The following ZBTB7C variants were observed in gnomAD, a reference collection of about 807,000 sequenced individuals.
ZBTB7C encodes zinc finger and BTB domain-containing protein 7C.
ZBTB7C carries 8 observed loss-of-function variants against 25.7 expected under a neutral mutation model. The ratio of observed to expected loss-of-function variants is 0.31; its 90% confidence interval spans 0.18 to 0.56. The LOEUF is 0.56. Ranked by LOEUF, ZBTB7C falls within the 20% of genes least tolerant of loss-of-function variation. The pLI, the probability that ZBTB7C is intolerant of heterozygous loss-of-function variation, is 0.91. For synonymous variants in ZBTB7C, 394 were observed against 369.0 expected (o/e 1.07, Z -0.78); for missense variants, 824 against 855.2 (o/e 0.96, Z 0.46).
At chr18:48,111,023 G>C (rs1388976793) in intron 3 of ZBTB7C, among the ~76,000 whole-genome samples, 1 of 152,188 alleles carries the variant, frequency 6.6e-6, no homozygotes, top group East Asian at 1.9e-4. Flanking sequence ...CCAGGCCAAG[G>C]ACCGCCTGGA....
chr18:48,089,479 GAAA>G (rs35998953), intron 3 of ZBTB7C, among the ~76,000 whole-genome samples: 9 of 127,908 alleles, frequency 7.0e-5, no homozygotes, highest in Non-Finnish European at 9.8e-5. Flanking sequence ...ACTCCATCTC[GAAA>G]AAAAAAAAAA....
At chr18:48,083,925 G>A (rs953524099) in intron 3 of ZBTB7C, 2 of 982,992 alleles carry the variant, frequency 2.0e-6, no homozygotes, top group African/African-American at 1.7e-5. Context: ...AATCCTGTTG[G>A]TTGAAGCAGG....
chr18:48,099,600 G>A (rs1163087585), intron 3 of ZBTB7C, among the ~76,000 whole-genome samples: 1 of 152,220 alleles, frequency 6.6e-6, no homozygotes, highest in Non-Finnish European at 1.5e-5. Flanking sequence ...CAGGGAGAGG[G>A]ACTGTGCAAG....
chr18:48,148,335 T>A (rs2040562596), intron 3 of ZBTB7C: 1 of 152,194 alleles, frequency 6.6e-6, no homozygotes, highest in Non-Finnish European at 1.5e-5. Context: ...TGTTCTCATC[T>A]TCATGGAATA....
intron 3 of ZBTB7C, among the ~76,000 whole-genome samples, chr18:48,047,980 C>T (rs952443138): frequency 1.3e-5 from 2 of 152,218 alleles, no homozygotes; most frequent in African/African-American, 4.8e-5. Flanking sequence ...GCGTTTGATG[C>T]CAAAGCTCAT....
intron 2 of ZBTB7C, among the ~76,000 whole-genome samples, chr18:48,295,169 C>T (rs868306): frequency 0.3 from 45,956 of 152,038 alleles, 7,202 homozygotes; most frequent in East Asian, 0.61. Context: ...CTGCAAGTAA[C>T]GTCTTGTTAA....
intron 1 of ZBTB7C, among the ~76,000 whole-genome samples, chr18:48,360,490 G>A (rs1392390927): frequency 6.6e-6 from 1 of 152,254 alleles, no homozygotes; most frequent in Non-Finnish European, 1.5e-5. Flanking sequence ...AGAGGAGCGT[G>A]GGAAGAGATG....
chr18:48,039,821 C>A, intron 4 of ZBTB7C, 79 bp downstream of exon 4: 2 of 1,483,124 alleles, frequency 1.3e-6, no homozygotes, highest in Non-Finnish European at 1.9e-6. Context: ...CTGTCTCCAC[C>A]GCCAGCCTCC....
intron 3 of ZBTB7C, chr18:48,083,934 G>T: frequency 1.0e-6 from 1 of 980,528 alleles, no homozygotes; most frequent in Non-Finnish European, 1.2e-6. Context: ...GGTTGAAGCA[G>T]GCCTTTAAAC....
At chr18:48,293,385 TATC>T (rs962978440) in intron 2 of ZBTB7C, among the ~76,000 whole-genome samples, 16 of 152,152 alleles carry the variant, frequency 1.1e-4, no homozygotes, top group Non-Finnish European at 2.2e-4. Flanking sequence ...CATCCCCAAA[TATC>T]ATCACATTAG....
intron 3 of ZBTB7C, among the ~76,000 whole-genome samples, chr18:48,048,461 G>A (rs540624403): frequency 1.1e-4 from 16 of 152,178 alleles, no homozygotes; most frequent in African/African-American, 2.9e-4. Context: ...TGAGGTCCCC[G>A]CTCTCAGATA....
At chr18:48,063,123 C>T (rs1418363053) in intron 3 of ZBTB7C, among the ~76,000 whole-genome samples, 1 of 152,222 alleles carries the variant, frequency 6.6e-6, no homozygotes, top group East Asian at 1.9e-4. Context: ...TCTTGGTTTT[C>T]CCAGGACTTT....
rs2047868661 is a variant in ZBTB7C at position 48,390,266 on chromosome 18, C to T, written c.-304+18960G>A. Among the ~76,000 whole-genome samples, 3 of 148,462 alleles carry T rather than the reference C, an allele frequency of 2.0e-5. No homozygotes were observed. In the South Asian group the frequency reaches 6.4e-4, roughly 32 times the overall value. ...TCCAGACTTTTTTAATACATGGATACATTTTAATCAAAATGGAATCATACC... is the reference window on the plus strand; with the variant it reads ...TCCAGACTTTTTTAATACATGGATATATTTTAATCAAAATGGAATCATACC... On this transcript the variant is annotated intron_variant, in intron 1 of 4. Transcript: ENST00000590800.
intron 3 of ZBTB7C, among the ~76,000 whole-genome samples, chr18:48,057,050 C>CAA (rs11380205): frequency 0.091 from 5,832 of 64,194 alleles, 259 homozygotes; most frequent in East Asian, 0.19. Context: ...GAAAAATTGT[C>CAA]AAAAAAAAAA....
intron 1 of ZBTB7C, among the ~76,000 whole-genome samples, chr18:48,394,807 G>A (rs1445347842): frequency 6.6e-6 from 1 of 152,178 alleles, no homozygotes; most frequent in Non-Finnish European, 1.5e-5. Flanking sequence ...TTGAAATTAT[G>A]AACCCATAAT....
intron 2 of ZBTB7C, among the ~76,000 whole-genome samples, chr18:48,314,812 C>T (rs964665395): frequency 1.6e-4 from 24 of 152,174 alleles, no homozygotes; most frequent in Non-Finnish European, 2.5e-4. Flanking sequence ...GCAGGCCACC[C>T]GAGGTGCCCG....
chr18:48,276,692 G>A (rs144742316), intron 2 of ZBTB7C, among the ~76,000 whole-genome samples: 6,368 of 68,434 alleles, frequency 0.093, 357 homozygotes, highest in South Asian at 0.21. Context: ...TCTTAATCCA[G>A]TCTATCATTG....
intron 3 of ZBTB7C, among the ~76,000 whole-genome samples, chr18:48,119,706 C>T (rs1007270221): frequency 2.6e-5 from 4 of 152,176 alleles, no homozygotes; most frequent in African/African-American, 9.7e-5. Flanking sequence ...TCCTGGGTGC[C>T]TGGCAAATGT....
chr18:48,267,226 T>C (rs2044341701), intron 2 of ZBTB7C, among the ~76,000 whole-genome samples: 1 of 152,186 alleles, frequency 6.6e-6, no homozygotes, highest in Non-Finnish European at 1.5e-5. Context: ...ACAGGAAGTT[T>C]TCTCTTCTGT....
Sources: gnomAD v4.1 joint callset for allele counts (sites outside exome capture counted in the v4.1 genomes callset) on GRCh38, gnomAD v4.1.1 for gene constraint, MANE v1.5 for transcripts, NCBI Gene and HGNC (gene_info 2026-07-23, HGNC 2026-07-21) for gene names.